The following GRM5 variants were observed in gnomAD, a reference collection of about 807,000 sequenced individuals.
The protein encoded by GRM5 is glutamate metabotropic receptor 5, also known as metabotropic glutamate receptor 5.
GRM5 carries 19 observed loss-of-function variants against 83.1 expected under a neutral mutation model. The ratio of observed to expected loss-of-function variants is 0.23; its 90% CI spans 0.16 to 0.34. The LOEUF is 0.34. Among genes scored for constraint, GRM5 ranks in the 10% least tolerant of loss-of-function variants. The pLI is 1.00. For synonymous variants in GRM5, 675 were observed against 633.6 expected (o/e 1.07, Z -0.98); for missense variants, 1,160 against 1,588.3 (o/e 0.73, Z 4.58).
In GRM5 at chr11:88,509,325, C is replaced by CCGCCTG. The variant is rs1281568803; in HGVS notation, c.2900_2905dup (p.Ala967_Gly968dup). The CCGCCTG allele has an allele frequency of 5.0e-6, 8 of 1,595,956 alleles. No homozygotes were observed. The highest frequency in any genetic ancestry group is 6.8e-6 in the Non-Finnish European group (8 of 1,173,040). On this transcript the variant is annotated inframe_insertion, in exon 10 of 10. Coordinates refer to ENST00000305447, the MANE Select transcript of GRM5 (RefSeq NM_001143831.3). Reference sequence around the variant, plus strand: ...CGTGGCCCCCACGCCCCCAGCGCTCCCGCCTGCGCCAGCGCCAGCGCCCAG... The same window carrying CCGCCTG: ...CGTGGCCCCCACGCCCCCAGCGCTCCCGCCTGCGCCTGCGCCAGCGCCAGCGCCCAG...
chr11:88,978,632 T>G (rs1009017882), intron 2 of GRM5, among the ~76,000 whole-genome samples: 4 of 152,042 alleles, frequency 2.6e-5, no homozygotes, highest in African/African-American at 9.7e-5. Flanking sequence ...TGATGTACAG[T>G]ATTTTGTATG....
intron 3 of GRM5, among the ~76,000 whole-genome samples, chr11:88,740,176 T>C (rs1360281617): frequency 6.6e-6 from 1 of 152,086 alleles, no homozygotes; most frequent in East Asian, 1.9e-4. Context: ...TCTCATTACT[T>C]CCACACACTA....
chr11:88,690,164 G>T (rs547312304), intron 3 of GRM5, among the ~76,000 whole-genome samples: 6 of 152,204 alleles, frequency 3.9e-5, no homozygotes, highest in Admixed American at 3.9e-4. Flanking sequence ...GAATACAACT[G>T]AGCATATATA....
intron 2 of GRM5, among the ~76,000 whole-genome samples, chr11:88,881,972 T>C (rs945805042): frequency 6.6e-6 from 1 of 152,184 alleles, no homozygotes; most frequent in African/African-American, 2.4e-5. Context: ...CTGGGCACGT[T>C]GGCTCACACC....
intron 3 of GRM5, among the ~76,000 whole-genome samples, chr11:88,754,182 A>G (rs1266524648): frequency 6.6e-6 from 1 of 152,162 alleles, no homozygotes; most frequent in East Asian, 1.9e-4. Flanking sequence ...TTAATGCAGG[A>G]ACAGAAAACC....
intron 3 of GRM5, among the ~76,000 whole-genome samples, chr11:88,655,699 T>C (rs1763416317): frequency 6.6e-6 from 1 of 151,998 alleles, no homozygotes; most frequent in Admixed American, 6.6e-5. Flanking sequence ...GTATATATCT[T>C]TTCTGTAAGT....
At chr11:88,571,735 C>G (rs937545713) in intron 7 of GRM5, among the ~76,000 whole-genome samples, 19 of 152,240 alleles carry the variant, frequency 1.2e-4, no homozygotes, top group African/African-American at 4.1e-4. Flanking sequence ...TATATGATAA[C>G]TCCAAGATGT....
At chr11:88,781,129 A>G (rs61134402) in intron 3 of GRM5, among the ~76,000 whole-genome samples, 4 of 184 alleles carry the variant, frequency 0.022, no homozygotes, top group Admixed American at 0.33. Context: ...ATATATATGT[A>G]TATATATATA....
At chr11:88,541,201 G>A (rs1028408577) in intron 8 of GRM5, among the ~76,000 whole-genome samples, 2 of 152,074 alleles carry the variant, frequency 1.3e-5, no homozygotes, top group East Asian at 1.9e-4. Flanking sequence ...CCACACTGCC[G>A]AGTGTCTATC....
At chr11:88,568,577 A>AG (rs1354230321) in intron 7 of GRM5, among the ~76,000 whole-genome samples, 6 of 152,274 alleles carry the variant, frequency 3.9e-5, no homozygotes, top group African/African-American at 1.4e-4. Context: ...AGTTATTCTA[A>AG]GGATCTTTGT....
intron 4 of GRM5, among the ~76,000 whole-genome samples, chr11:88,630,759 G>T (rs1187910068): frequency 2.0e-5 from 3 of 152,028 alleles, no homozygotes; most frequent in African/African-American, 7.2e-5. Flanking sequence ...TGTATTTTTA[G>T]TAGAGACGGG....
intron 4 of GRM5, among the ~76,000 whole-genome samples, chr11:88,649,678 A>C (rs1329614083): frequency 1.3e-5 from 2 of 151,382 alleles, no homozygotes; most frequent in Non-Finnish European, 3.0e-5. Context: ...AAACAAAAGA[A>C]AACCTGCCAA....
chr11:88,802,234 C>T (rs538186257), intron 3 of GRM5, among the ~76,000 whole-genome samples: 1 of 152,096 alleles, frequency 6.6e-6, no homozygotes, highest in Non-Finnish European at 1.5e-5. Context: ...TGAGATCCAG[C>T]TCAGCTCACA....
chr11:88,509,382 T>C lies in GRM5; in HGVS notation c.2849A>G (p.Lys950Arg). ...GCTCTCCGTGCTCTTGGGGAAGGGC[T>C]TGATGACGGCCGTTTGGTTGGGGTT... ...KENPNQTAVI[K>R]PFPKSTESRG... is the part of the protein sequence containing the mutation. The change falls in exon 10 of 10, where the codon AAG becomes AGG. Residue 950 changes from lysine (K) to arginine (R), a missense_variant. This residue lies in a region of GRM5 where 562 missense variants were observed against 532.4 expected (regional missense o/e 1.06). Transcript: ENST00000305447. 1 of 1,612,586 alleles carries C rather than the reference T, an allele frequency of 6.2e-7. No homozygotes were observed. The highest frequency in any genetic ancestry group is 8.5e-7 in the Non-Finnish European group (1 of 1,179,866).
intron 3 of GRM5, 73 bp downstream of exon 3, chr11:88,849,833 C>G: frequency 1.4e-6 from 2 of 1,386,676 alleles, no homozygotes; most frequent in Middle Eastern, 1.8e-4. Context: ...TTTTATCATA[C>G]ACTAAAAGCT....
chr11:88,984,041 G>A (rs1171395235), intron 2 of GRM5, among the ~76,000 whole-genome samples: 1 of 152,004 alleles, frequency 6.6e-6, no homozygotes, highest in African/African-American at 2.4e-5. Flanking sequence ...CTGTTATTAT[G>A]ATAATAAAAA....
intron 4 of GRM5, among the ~76,000 whole-genome samples, chr11:88,611,142 T>A (rs540916233): frequency 1.3e-5 from 2 of 152,320 alleles, no homozygotes; most frequent in South Asian, 2.1e-4. Context: ...GATTTTTGCA[T>A]CTATGTTCAT....
chr11:88,510,502 C>T (rs1941335425), intron 9 of GRM5, among the ~76,000 whole-genome samples: 1 of 125,822 alleles, frequency 7.9e-6, no homozygotes, highest in Non-Finnish European at 1.7e-5. Context: ...TGTGGCCTGA[C>T]ACTCAAGATT....
chr11:88,986,727 C>CTTTTTTTTTTTTT (rs60281684), intron 2 of GRM5, among the ~76,000 whole-genome samples: 2 of 93,116 alleles, frequency 2.1e-5, no homozygotes, highest in Admixed American at 1.4e-4. Flanking sequence ...TTTATTTTTG[C>CTTTTTTTTTTTTT]TTTTTTTTTT....
Sources: allele counts gnomAD v4.1 joint callset (sites outside exome capture counted in the v4.1 genomes callset), GRCh38; gene constraint gnomAD v4.1.1; regional missense constraint gnomAD v4.1.1; transcripts MANE v1.5; gene names NCBI Gene and HGNC (gene_info 2026-07-23, HGNC 2026-07-21).